Variants in FBXO32 observed in about 807,000 individuals in gnomAD.
FBXO32 encodes F-box only protein 32.
Under a neutral mutation model 48.3 loss-of-function variants are expected in FBXO32, and 15 were observed. The ratio of observed to expected loss-of-function variants is 0.31; its 90% CI spans 0.21 to 0.48. The LOEUF (loss-of-function observed/expected upper bound fraction) is 0.48, where lower values mean the gene tolerates loss of function less well. Ranked by LOEUF, FBXO32 falls within the 20% of genes least tolerant of loss-of-function variation. FBXO32 has a pLI of 0.99. For synonymous variants in FBXO32, 154 were observed against 165.9 expected, an observed-to-expected ratio of 0.93 and a Z score of 0.55; for missense variants, 309 against 432.7, an observed-to-expected ratio of 0.71 and a Z score of 2.54.
chr8:123,504,907 T>G (rs369837445), intron 7 of FBXO32, among the ~76,000 whole-genome samples, 160 bp from the exon 8 acceptor site: 3 of 152,254 alleles, frequency 2.0e-5, no homozygotes, highest in African/African-American at 7.2e-5. Flanking sequence ...AAGTACCTGC[T>G]TAGCTCTCCT....
In FBXO32 at chr8:123,540,326, C is replaced by G. The variant is rs1019473923; in HGVS notation, c.116+573G>C. ...GCTCGCAAGTCCGCCCAGTAAGCGG[C>G]TGCCCCAGGGACCATCTGGCCGTCC... On this transcript the variant is annotated intron_variant, in intron 1 of 8. Transcript: ENST00000517956. The surrounding 1 kb of genome is among the most constrained non-coding windows in gnomAD (Gnocchi z 6.4). Among the ~76,000 whole-genome samples, 13 of 152,236 alleles carry G rather than the reference C, an allele frequency of 8.5e-5. No homozygotes were observed. The highest frequency in any genetic ancestry group is 6.5e-4 in the Admixed American group (10 of 15,292).
intron 1 of FBXO32, among the ~76,000 whole-genome samples, chr8:123,539,963 G>A (rs1446033728): frequency 6.6e-6 from 1 of 152,114 alleles, no homozygotes; most frequent in African/African-American, 2.4e-5. Flanking sequence ...GTCAACTGTC[G>A]AGGTCAGGGG....
Position 123,513,406 on chromosome 8 carries a change from A to C in FBXO32, c.467-24T>G, listed in dbSNP as rs777160528. On this transcript the variant is annotated intron_variant, in intron 5 of 8. Transcript: ENST00000517956. The surrounding 1 kb of genome is among the most constrained non-coding windows in gnomAD (Gnocchi z 4.3). ...GACTTGAGTAGGGAAGAAAAAAATA[A>C]TTAAAGTTATGATACTGGAACACCC... The C allele has an allele frequency of 6.3e-7, 1 of 1,595,446 alleles. No homozygotes were observed. The highest frequency in any genetic ancestry group is 8.6e-7 in the Non-Finnish European group (1 of 1,165,416).
Position 123,538,278 on chromosome 8 carries a change from G to A in FBXO32, c.116+2621C>T, listed in dbSNP as rs545214098. Reference sequence around the variant, plus strand: ...TGTGTGGACAAGACTTGGTCAACACGAAACAATAACCCCAGGCTGAAAACC... The same window carrying A: ...TGTGTGGACAAGACTTGGTCAACACAAAACAATAACCCCAGGCTGAAAACC... On this transcript the variant is annotated intron_variant, in intron 1 of 8. Transcript: ENST00000517956. Among the ~76,000 whole-genome samples the A allele has an allele frequency of 2.0e-5, 3 of 152,036 alleles. No individual in the cohort carries two copies. In the South Asian group the frequency reaches 6.3e-4, roughly 32 times the overall value.
chr8:123,540,811 G>A lies in FBXO32; in HGVS notation c.116+88C>T. ...TCCCTCCTCAGCCCGCTCCAGCCCT[G>A]CCTGCCCCTCATTCGCCGTCCCTGC... is the stretch of plus-strand genomic sequence containing the variant. On this transcript the variant is annotated intron_variant, in intron 1 of 8. Coordinates refer to ENST00000517956, the MANE Select transcript of FBXO32 (RefSeq NM_058229.4). The surrounding 1 kb of genome is among the most constrained non-coding windows in gnomAD (Gnocchi z 6.4). 3.5e-6 allele frequency: 4 copies of A among 1,137,284 alleles called. No homozygotes were observed. The Admixed American group carries it at 8.0e-5, about 23-fold the overall frequency. The allele number at this position is 1,137,284 out of a possible 1,614,324, so 70.4% of individuals were successfully genotyped here.
At chr8:123,514,006 G>C in intron 5 of FBXO32, 1 of 450,882 alleles carries the variant, frequency 2.2e-6, no homozygotes, top group Non-Finnish European at 3.9e-6. Context: ...TTATAGTAGG[G>C]CAAGTGGATG....
In FBXO32 at chr8:123,513,820, A is replaced by G. The variant is rs895388016; in HGVS notation, c.466+420T>C. Among the ~76,000 whole-genome samples the G allele has an allele frequency of 3.9e-5, 6 of 152,186 alleles. No homozygotes were observed. Among genetic ancestry groups the G allele is most frequent in the Non-Finnish European group, 7.4e-5 (5 of 68,022 alleles). ...CAAATCACTTCTCCTCATGGGCCTC[A>G]GTTTCACCATGTGTACAATGAGTCA... On this transcript the variant is annotated intron_variant, in intron 5 of 8. Transcript: ENST00000517956. The surrounding 1 kb of genome is among the most constrained non-coding windows in gnomAD (Gnocchi z 4.3).
At chr8:123,512,258 G>A (rs1816750421) in intron 6 of FBXO32, among the ~76,000 whole-genome samples, 1 of 152,132 alleles carries the variant, frequency 6.6e-6, no homozygotes, top group Non-Finnish European at 1.5e-5. Flanking sequence ...CTTAAAAAGT[G>A]CAGGTACAGA....
intron 4 of FBXO32, among the ~76,000 whole-genome samples, chr8:123,526,837 A>G (rs1264722751): frequency 1.3e-5 from 2 of 152,182 alleles, no homozygotes; most frequent in Non-Finnish European, 2.9e-5. Context: ...GCTATCAGTC[A>G]GACTGTATGG....
intron 6 of FBXO32, among the ~76,000 whole-genome samples, chr8:123,510,041 A>G (rs1285191870): frequency 6.6e-6 from 1 of 152,234 alleles, no homozygotes; most frequent in Admixed American, 6.5e-5. Context: ...ACAGCGCCCA[A>G]TAAATGCTAG....
intron 7 of FBXO32, among the ~76,000 whole-genome samples, chr8:123,505,332 A>G (rs574510618): frequency 6.6e-6 from 1 of 152,328 alleles, no homozygotes; most frequent in African/African-American, 2.4e-5. Context: ...ACTAATTTGG[A>G]TATGTCACTT....
chr8:123,520,727 A>G (rs193015802), intron 4 of FBXO32, among the ~76,000 whole-genome samples: 1 of 152,142 alleles, frequency 6.6e-6, no homozygotes, highest in Non-Finnish European at 1.5e-5. Context: ...TAGCATTCAT[A>G]GTTTTAAAAA....
At chr8:123,538,917 T>C (rs541216047) in intron 1 of FBXO32, among the ~76,000 whole-genome samples, 2 of 152,344 alleles carry the variant, frequency 1.3e-5, no homozygotes, top group South Asian at 2.1e-4. Flanking sequence ...TCTTCCATAC[T>C]GTGAAGACAG....
chr8:123,524,997 C>T (rs1563924546), intron 4 of FBXO32, among the ~76,000 whole-genome samples: 1 of 152,242 alleles, frequency 6.6e-6, no homozygotes, highest in South Asian at 2.1e-4. Flanking sequence ...GTCACTGTGG[C>T]AGAGGAACCT....
chr8:123,515,669 G>A (rs1816825945), intron 4 of FBXO32, among the ~76,000 whole-genome samples: 1 of 152,072 alleles, frequency 6.6e-6, no homozygotes, highest in African/African-American at 2.4e-5. Flanking sequence ...ACCTTCTATA[G>A]CAAAATTCTT....
At chr8:123,515,386 C>T (rs369421325) in intron 4 of FBXO32, among the ~76,000 whole-genome samples, 3 of 152,016 alleles carry the variant, frequency 2.0e-5, no homozygotes, top group African/African-American at 7.2e-5. Flanking sequence ...CAGGCATGTG[C>T]CACTACGCCT....
In FBXO32 at chr8:123,503,342, A is replaced by T; in HGVS notation, c.*31T>A. The T allele has an allele frequency of 6.4e-7, 1 of 1,551,614 alleles. No homozygotes were observed. The highest frequency in any genetic ancestry group is 8.9e-7 in the Non-Finnish European group (1 of 1,123,600). On this transcript the variant is annotated 3_prime_UTR_variant, in exon 9 of 9. Transcript: ENST00000517956. ...TCCCAGCTCTCCAGTCAGCAGGGGG[A>T]CCCTTCTGAAGTGTTGTCATGTGCT...
rs1817046868 is a variant in FBXO32 at position 123,525,184 on chromosome 8, G to C, written c.372+6714C>G. ...ACATGTTTTTGGAAAATGCTTTCAGGGGTGGTAGGAATGCAGTAACTTGCT... is the reference window on the plus strand; with the variant it reads ...ACATGTTTTTGGAAAATGCTTTCAGCGGTGGTAGGAATGCAGTAACTTGCT... On this transcript the variant is annotated intron_variant, in intron 4 of 8. Coordinates refer to ENST00000517956, the MANE Select transcript of FBXO32 (RefSeq NM_058229.4). The surrounding 1 kb of genome is among the most constrained non-coding windows in gnomAD (Gnocchi z 4.3). Among the ~76,000 whole-genome samples the C allele has an allele frequency of 6.6e-6, 1 of 152,192 alleles. No homozygotes were observed. Among genetic ancestry groups the C allele is most frequent in the South Asian group, 2.1e-4 (1 of 4,828 alleles).
intron 6 of FBXO32, among the ~76,000 whole-genome samples, chr8:123,509,837 T>C (rs1816701578): frequency 6.6e-6 from 1 of 152,160 alleles, no homozygotes; most frequent in African/African-American, 2.4e-5. Context: ...GGGAGGAAGG[T>C]ACAGTGGTTG....
Sources: gnomAD v4.1 joint callset for allele counts (sites outside exome capture counted in the v4.1 genomes callset) on GRCh38, gnomAD v4.1.1 for gene constraint, Gnocchi (gnomAD v3.1) non-coding constraint, MANE v1.5 for transcripts, NCBI Gene and HGNC (gene_info 2026-07-23, HGNC 2026-07-21) for gene names.